HEATR9: variants seen among roughly 807,000 people sequenced by gnomAD.
HEATR9 encodes the protein protein HEATR9.
Under a neutral mutation model 68.2 loss-of-function variants are expected in HEATR9, and 54 were observed. That is an observed-to-expected ratio of 0.79 (90% CI 0.64 to 0.99). HEATR9 has a LOEUF of 0.99. Among genes scored for constraint, HEATR9 ranks in the 50% least tolerant of loss-of-function variants. The pLI is 0.00. For missense variants in HEATR9, 662 were observed against 679.7 expected, an observed-to-expected ratio of 0.97 and a Z score of 0.29; for synonymous variants, 241 against 253.5, an observed-to-expected ratio of 0.95 and a Z score of 0.47.
intron 11 of HEATR9, 64 bp downstream of exon 11, chr17:35,858,136 T>C (rs2087841817): frequency 6.2e-7 from 1 of 1,607,466 alleles, no homozygotes; most frequent in African/African-American, 1.3e-5. Flanking sequence ...AGGGGAGGTC[T>C]CCAGAACACG....
At chr17:35,864,008 A>G (rs1194204279) in intron 6 of HEATR9, 7 of 570,048 alleles carry the variant, frequency 1.2e-5, no homozygotes, top group South Asian at 4.7e-5. Flanking sequence ...TTTCAGTCCA[A>G]TGTCTTTTCG....
rs760702659 is a variant in HEATR9 at position 35,858,442 on chromosome 17, A to G, written c.1023T>C (p.Ser341=). The G allele has an allele frequency of 1.9e-6, 3 of 1,614,060 alleles. No homozygotes were observed. The highest frequency in any genetic ancestry group is 1.3e-5 in the African/African-American group (1 of 74,930). The change falls in exon 10 of 15, where the codon AGT becomes AGC. Residue 341 remains serine, a synonymous_variant. Coordinates refer to ENST00000604834, the MANE Select transcript of HEATR9 (RefSeq NM_152781.4). The part of the protein sequence containing the change: ...KAILDQLCSS[S]VLEDRFEATQ... ...GCAGTCCAGAGCTTACCTCAAGGAC[A>G]CTGGAAGAACACAGCTGGTCTAGGA...
At chr17:35,858,826 C>G in intron 9 of HEATR9, 62 bp downstream of exon 9, 2 of 1,569,200 alleles carry the variant, frequency 1.3e-6, no homozygotes, top group Non-Finnish European at 1.7e-6. Flanking sequence ...AGGATCCAGA[C>G]CACACACAAT....
intron 8 of HEATR9, among the ~76,000 whole-genome samples, chr17:35,860,510 G>A (rs1339861792): frequency 7.0e-6 from 1 of 141,896 alleles, no homozygotes; most frequent in Admixed American, 7.0e-5. Context: ...TTTATTTTGA[G>A]ATGGAGTCTC....
intron 8 of HEATR9, among the ~76,000 whole-genome samples, chr17:35,862,699 A>T (rs992529577): frequency 6.6e-6 from 1 of 152,160 alleles, no homozygotes; most frequent in African/African-American, 2.4e-5. Flanking sequence ...TTGTTTTTGC[A>T]CCATTGTAAA....
chr17:35,866,237 G>GA (rs367758928), intron 2 of HEATR9, among the ~76,000 whole-genome samples: 39 of 132,336 alleles, frequency 2.9e-4, no homozygotes, highest in Non-Finnish European at 3.5e-4. Context: ...GATTTAGGAA[G>GA]AAAAAAAAAA....
chr17:35,865,761 A>G (rs573845404), intron 2 of HEATR9, among the ~76,000 whole-genome samples: 1 of 152,258 alleles, frequency 6.6e-6, no homozygotes, highest in East Asian at 1.9e-4. Context: ...TGAAAATGAC[A>G]CTTGAGTAGG....
rs200660099 is a variant in HEATR9 at position 35,865,374 on chromosome 17, G to C, written c.161C>G (p.Pro54Arg). The C allele has an allele frequency of 2.4e-5, 39 of 1,613,354 alleles. No individual in the cohort carries two copies. Among genetic ancestry groups the C allele is most frequent in the Non-Finnish European group, 3.1e-5 (37 of 1,179,936 alleles). The change falls in exon 3 of 15, where the codon CCA (proline) becomes CGA (arginine). Residue 54 changes from proline to arginine, a missense_variant. Coordinates refer to ENST00000604834, the MANE Select transcript of HEATR9 (RefSeq NM_152781.4). ...CYQMPKEEFP[P>R]SPECWRQHPS... ...ATGCTGCCTCCAGCACTCTGGACTT[G>C]GGGGAAACTCTTCCTTTGGCATCTG... is the stretch of plus-strand genomic sequence containing the variant.
chr17:35,864,676 A>G, intron 4 of HEATR9, 82 bp downstream of exon 4: 2 of 1,600,450 alleles, frequency 1.2e-6, no homozygotes, highest in Non-Finnish European at 1.7e-6. Flanking sequence ...GCAAGGACTG[A>G]GGGCTGAAGG....
chr17:35,861,525 G>T, intron 8 of HEATR9: 1 of 939,014 alleles, frequency 1.1e-6, no homozygotes, highest in Non-Finnish European at 1.7e-6. Context: ...CATGGCTGGG[G>T]TAGATGGGCC....
rs377349602 is a variant in HEATR9, at chr17:35,858,154, G to T, written c.1152+46C>A. 2.0e-4 allele frequency: 322 copies of T among 1,613,026 alleles called. 1 individual carries two copies. In the South Asian group the frequency reaches 3.3e-3, roughly 16 times the overall value. ...GGAGGTCTCCAGAACACGGAAAAGA[G>T]AAAGGTTTGGGTGTCTCTGGGCTTG... On this transcript the variant is annotated intron_variant, in intron 11 of 14. Coordinates refer to ENST00000604834, the MANE Select transcript of HEATR9 (RefSeq NM_152781.4).
chr17:35,865,185 GAGA>G (rs2088152171), intron 3 of HEATR9, 27 bp downstream of exon 3: 2 of 1,601,094 alleles, frequency 1.2e-6, no homozygotes, highest in African/African-American at 2.7e-5. Context: ...TGTGGAGGGT[GAGA>G]AGAATATGGA....
chr17:35,858,059 TA>T, intron 11 of HEATR9, 140 bp downstream of exon 11: 4 of 1,230,952 alleles, frequency 3.2e-6, no homozygotes, highest in Non-Finnish European at 4.6e-6. Context: ...CAAGGTGATA[TA>T]AAAACCTGGG....
intron 14 of HEATR9, 87 bp from the exon 15 acceptor site, chr17:35,855,497 A>G (rs747869381): frequency 2.7e-5 from 37 of 1,376,778 alleles, no homozygotes; most frequent in Middle Eastern, 3.6e-4. Flanking sequence ...GTAGGGGGGA[A>G]TTCTAGCCAC....
In HEATR9 at chr17:35,864,401, A is replaced by G. The variant is rs534150583; in HGVS notation, c.510+96T>C. 1,397 of 1,534,580 alleles carry G rather than the reference A, an allele frequency of 9.1e-4. 1 individual carries two copies. Among genetic ancestry groups the G allele is most frequent in the Non-Finnish European group, 1.2e-3 (1,316 of 1,108,948 alleles). On this transcript the variant is annotated intron_variant, in intron 5 of 14. Coordinates refer to ENST00000604834, the MANE Select transcript of HEATR9 (RefSeq NM_152781.4). ...AGCTGGAGTTTGTGCTTGGAATACCATCCCCACAACCACCATCACGTCAAG... is the reference window on the plus strand; with the variant it reads ...AGCTGGAGTTTGTGCTTGGAATACCGTCCCCACAACCACCATCACGTCAAG...
chr17:35,862,958 A>T, intron 8 of HEATR9, 37 bp downstream of exon 8: 1 of 1,614,092 alleles, frequency 6.2e-7, no homozygotes, highest in Non-Finnish European at 8.5e-7. Flanking sequence ...TACCTTGTCC[A>T]GCTTTGCCCC....
intron 4 of HEATR9, 74 bp from the exon 5 acceptor site, chr17:35,864,627 C>T (rs2088127084): frequency 1.9e-6 from 3 of 1,583,480 alleles, no homozygotes; most frequent in Non-Finnish European, 2.6e-6. Flanking sequence ...GGAGCTCATC[C>T]AATCCAATCC....
At chr17:35,855,506 A>C in intron 14 of HEATR9, 96 bp from the exon 15 acceptor site, 1 of 1,347,078 alleles carries the variant, frequency 7.4e-7, no homozygotes, top group Non-Finnish European at 1.0e-6. Context: ...AATTCTAGCC[A>C]CAGGGCACTG....
At chr17:35,856,922 G>T (rs2087796445) in intron 11 of HEATR9, 117 bp from the exon 12 acceptor site, 2 of 921,664 alleles carry the variant, frequency 2.2e-6, no homozygotes, top group Admixed American at 4.1e-5. Context: ...CTGCCTTAAG[G>T]AGCTCATAGT....
Sources: allele counts gnomAD v4.1 joint callset (sites outside exome capture counted in the v4.1 genomes callset), GRCh38; gene constraint gnomAD v4.1.1; transcripts MANE v1.5; gene names NCBI Gene and HGNC (gene_info 2026-07-23, HGNC 2026-07-21).